RORA: variants seen among roughly 807,000 people sequenced by gnomAD.
RORA encodes the protein RAR related orphan receptor A.
Under a neutral mutation model 69.5 loss-of-function variants are expected in RORA, and 7 were observed. That is an observed-to-expected ratio of 0.10 (90% CI 0.06 to 0.19). The LOEUF (loss-of-function observed/expected upper bound fraction) is 0.19, where lower values mean the gene tolerates loss of function less well. Among genes scored for constraint, RORA ranks in the 10% least tolerant of loss-of-function variants. RORA has a pLI of 1.00. For synonymous variants in RORA, 261 were observed against 240.8 expected (o/e 1.08, Z -0.78); for missense variants, 457 against 663.0 (o/e 0.69, Z 3.41).
chr15:60,726,835 C>T (rs2071363293), intron 1 of RORA, among the ~76,000 whole-genome samples: 1 of 151,846 alleles, frequency 6.6e-6, no homozygotes, highest in Non-Finnish European at 1.5e-5. Flanking sequence ...GGTAGATAAT[C>T]AAAAAGGACA....
At chr15:61,114,271 C>T (rs1389575820) in intron 1 of RORA, among the ~76,000 whole-genome samples, 1 of 152,070 alleles carries the variant, frequency 6.6e-6, no homozygotes, top group Non-Finnish European at 1.5e-5. Context: ...GAGTGACAAA[C>T]GGCTGAAATT....
At chr15:60,729,441 A>C (rs2071402793) in intron 1 of RORA, among the ~76,000 whole-genome samples, 1 of 152,220 alleles carries the variant, frequency 6.6e-6, no homozygotes, top group South Asian at 2.1e-4. Context: ...CTAGTCCCAG[A>C]TTAGTCACTC....
At chr15:60,916,092 G>A (rs556497036) in intron 1 of RORA, among the ~76,000 whole-genome samples, 155 of 152,294 alleles carry the variant, frequency 1.0e-3, no homozygotes, top group African/African-American at 3.6e-3. Flanking sequence ...CACTGGGTGG[G>A]GCACTGGAGG....
intron 1 of RORA, among the ~76,000 whole-genome samples, chr15:61,077,087 A>G (rs1338143431): frequency 6.6e-6 from 1 of 152,200 alleles, no homozygotes; most frequent in African/African-American, 2.4e-5. Context: ...CAGTGGGATC[A>G]GCAGGCACAG....
At chr15:60,656,081 A>G (rs1260071778) in intron 2 of RORA, among the ~76,000 whole-genome samples, 3 of 152,208 alleles carry the variant, frequency 2.0e-5, no homozygotes, top group African/African-American at 4.8e-5. Flanking sequence ...TCAGAGAAAA[A>G]TTGATGATAA....
At chr15:60,926,100 G>A (rs185964141) in intron 1 of RORA, among the ~76,000 whole-genome samples, 1 of 152,294 alleles carries the variant, frequency 6.6e-6, no homozygotes, top group East Asian at 1.9e-4. Context: ...AGAAAAGATT[G>A]CATCAGGGCC....
chr15:61,044,854 T>C (rs1896948580), intron 1 of RORA, among the ~76,000 whole-genome samples: 1 of 152,230 alleles, frequency 6.6e-6, no homozygotes, highest in African/African-American at 2.4e-5. Flanking sequence ...GTAATCTGCA[T>C]GCACATTAAA....
intron 1 of RORA, among the ~76,000 whole-genome samples, chr15:61,046,544 C>T (rs1371908887): frequency 6.6e-6 from 1 of 152,144 alleles, no homozygotes; most frequent in African/African-American, 2.4e-5. Context: ...AGAGGCGAGC[C>T]GCAGGAAGGG....
At chr15:61,109,148 A>G (rs979876591) in intron 1 of RORA, among the ~76,000 whole-genome samples, 2 of 152,188 alleles carry the variant, frequency 1.3e-5, no homozygotes, top group African/African-American at 4.8e-5. Context: ...GTGAGCCTAG[A>G]TCGCGCCACT....
intron 1 of RORA, among the ~76,000 whole-genome samples, chr15:60,976,080 C>T (rs1051002422): frequency 4.6e-5 from 7 of 152,196 alleles, no homozygotes; most frequent in Non-Finnish European, 1.0e-4. Context: ...GGAGGTGGAG[C>T]AATTAATCCA....
At chr15:61,182,269 C>T (rs1246566108) in intron 1 of RORA, among the ~76,000 whole-genome samples, 2 of 152,182 alleles carry the variant, frequency 1.3e-5, no homozygotes, top group Non-Finnish European at 2.9e-5. Context: ...AAGTTCCTCG[C>T]CTGAGGTCAC....
intron 2 of RORA, chr15:60,546,195 A>C (rs1221679412): frequency 6.6e-6 from 1 of 152,270 alleles, no homozygotes. Flanking sequence ...GGATTATGTA[A>C]GAAAAAATGA....
In RORA at chr15:60,825,584, C is replaced by A. The variant is rs182301354; in HGVS notation, c.167-146898G>T. Among the ~76,000 whole-genome samples, 566 of 152,256 alleles carry A rather than the reference C, an allele frequency of 3.7e-3. 3 individuals are homozygous for A. Among genetic ancestry groups the A allele is most frequent in the African/African-American group, 0.012 (497 of 41,548 alleles). Reference sequence around the variant, plus strand: ...GAAATCCTAGCATATACACAGTCAGCACCAAGTAGGCCTGCTTCCCCATCT... The same window carrying A: ...GAAATCCTAGCATATACACAGTCAGAACCAAGTAGGCCTGCTTCCCCATCT... On this transcript the variant is annotated intron_variant, in intron 1 of 10. Transcript: ENST00000335670.
At chr15:60,725,149 G>A (rs1457775462) in intron 1 of RORA, among the ~76,000 whole-genome samples, 1 of 152,180 alleles carries the variant, frequency 6.6e-6, no homozygotes, top group Non-Finnish European at 1.5e-5. Context: ...GCCACATTCA[G>A]AATTGGAATG....
Position 60,826,102 on chromosome 15 carries a change from A to G in RORA, c.167-147416T>C, listed in dbSNP as rs185278541. 3.3e-5 allele frequency among the ~76,000 whole-genome samples: 5 copies of G among 152,314 alleles called. No homozygotes were observed. The East Asian group carries it at 9.7e-4, about 29-fold the overall frequency. The stretch of plus-strand genomic sequence containing the variant: ...CAAATATGAGGAAGCCACAGGCCCT[A>G]TGGGAAAGGAACACTGGATGGGGAT... On this transcript the variant is annotated intron_variant, in intron 1 of 10. Transcript: ENST00000335670.
chr15:61,138,719 T>C (rs2079268147), intron 1 of RORA, among the ~76,000 whole-genome samples: 1 of 151,586 alleles, frequency 6.6e-6, no homozygotes, highest in African/African-American at 2.4e-5. Flanking sequence ...CCTCGGGACA[T>C]CAAGAGGTGC....
In RORA at chr15:61,174,246, C is replaced by T. The variant is rs534158148; in HGVS notation, c.166+54807G>A. Reference sequence around the variant, plus strand: ...TGCTGGCTTCTGTTAGAATCTGTCACGTCCCCCCTGCCCCCACACCACCCA... The same window carrying T: ...TGCTGGCTTCTGTTAGAATCTGTCATGTCCCCCCTGCCCCCACACCACCCA... On this transcript the variant is annotated intron_variant, in intron 1 of 10. Coordinates refer to ENST00000335670, the MANE Select transcript of RORA (RefSeq NM_134261.3). Among the ~76,000 whole-genome samples the T allele has an allele frequency of 2.0e-5, 3 of 152,296 alleles. No homozygotes were observed. In the East Asian group the frequency reaches 5.8e-4, roughly 29 times the overall value.
chr15:60,927,852 T>C (rs1892261399), intron 1 of RORA, among the ~76,000 whole-genome samples: 1 of 152,204 alleles, frequency 6.6e-6, no homozygotes, highest in Non-Finnish European at 1.5e-5. Context: ...TTGAGACCAT[T>C]CAGTCCGATG....
intron 1 of RORA, among the ~76,000 whole-genome samples, chr15:60,953,932 C>T (rs960771986): frequency 6.6e-6 from 1 of 151,308 alleles, no homozygotes; most frequent in Admixed American, 6.6e-5. Flanking sequence ...CCCAGCCATC[C>T]CATTACTGGG....
Sources: gnomAD v4.1 joint callset for allele counts (sites outside exome capture counted in the v4.1 genomes callset) on GRCh38, gnomAD v4.1.1 for gene constraint, MANE v1.5 for transcripts, NCBI Gene and HGNC (gene_info 2026-07-23, HGNC 2026-07-21) for gene names.